The following SHISA9 variants were observed in gnomAD, a reference collection of about 807,000 sequenced individuals.
The protein encoded by SHISA9 is shisa family member 9.
A neutral mutation model predicts 38.0 loss-of-function variants in SHISA9; 13 were observed. The observed-to-expected ratio is 0.34, with a 90% CI of 0.22 to 0.54. SHISA9 has a LOEUF of 0.54. Ranked by LOEUF, SHISA9 falls within the 20% of genes least tolerant of loss-of-function variation. SHISA9 has a pLI of 0.91. For missense variants in SHISA9, 538 were observed against 575.8 expected (o/e 0.93, Z 0.67); for synonymous variants, 275 against 242.0 (o/e 1.14, Z -1.27).
intron 2 of SHISA9, among the ~76,000 whole-genome samples, chr16:13,043,859 C>T (rs2073159457): frequency 6.6e-6 from 1 of 152,216 alleles, no homozygotes; most frequent in Non-Finnish European, 1.5e-5. Flanking sequence ...TGGATCTATT[C>T]GTTGTCCTTC....
chr16:13,004,770 CA>C (rs796387504), intron 2 of SHISA9, among the ~76,000 whole-genome samples: 264 of 140,810 alleles, frequency 1.9e-3, no homozygotes, highest in African/African-American at 3.8e-3. Context: ...ACTAAAAATA[CA>C]AAAAAAAAAA....
chr16:13,179,346 C>A (rs530591239), intron 2 of SHISA9, among the ~76,000 whole-genome samples: 1 of 152,158 alleles, frequency 6.6e-6, no homozygotes, highest in African/African-American at 2.4e-5. Context: ...AAAACAAAAT[C>A]TCTCTGATGT....
the SHISA9 span, among the ~76,000 whole-genome samples, chr16:13,500,315 G>T: frequency 4.0e-5 from 6 of 151,822 alleles, no homozygotes; most frequent in African/African-American, 1.5e-4. Flanking sequence ...CAGGCATATG[G>T]AACTGTAAGT....
chr16:13,138,778 G>C (rs1225786670), intron 2 of SHISA9, among the ~76,000 whole-genome samples: 2 of 152,224 alleles, frequency 1.3e-5, no homozygotes, highest in Admixed American at 1.3e-4. Flanking sequence ...ATTCATGTGA[G>C]CATGTTATGA....
At chr16:13,057,444 G>C (rs11861946) in intron 2 of SHISA9, among the ~76,000 whole-genome samples, 1,598 of 152,192 alleles carry the variant, frequency 0.01, 8 homozygotes, top group South Asian at 0.023. Context: ...GTCCAGGCTG[G>C]AGTGCAATGG....
At chr16:13,403,747 G>A in the SHISA9 span, among the ~76,000 whole-genome samples, 1 of 152,200 alleles carries the variant, frequency 6.6e-6, no homozygotes, top group African/African-American at 2.4e-5. Flanking sequence ...TTCTAATTCA[G>A]GGTCTGAAAT....
the SHISA9 span, among the ~76,000 whole-genome samples, chr16:13,426,349 C>T: frequency 2.6e-5 from 4 of 152,134 alleles, no homozygotes; most frequent in Non-Finnish European, 4.4e-5. Context: ...CCTAGGTACA[C>T]GGAGCCAGAA....
At chr16:13,551,688 A>C in the SHISA9 span, among the ~76,000 whole-genome samples, 2 of 152,168 alleles carry the variant, frequency 1.3e-5, no homozygotes, top group Non-Finnish European at 2.9e-5. Flanking sequence ...AAACATAGAC[A>C]CAAAGGGGCT....
chr16:13,053,572 C>G (rs935116760), intron 2 of SHISA9, among the ~76,000 whole-genome samples: 2 of 152,192 alleles, frequency 1.3e-5, no homozygotes, highest in Non-Finnish European at 2.9e-5. Context: ...AATCTGGACT[C>G]TACCCCATCA....
chr16:13,067,000 C>T (rs1003972111), intron 2 of SHISA9, among the ~76,000 whole-genome samples: 3 of 145,546 alleles, frequency 2.1e-5, no homozygotes, highest in Non-Finnish European at 3.0e-5. Context: ...TCATCAAGAT[C>T]CCCTAGAGCT....
intron 2 of SHISA9, among the ~76,000 whole-genome samples, chr16:13,049,805 C>A (rs2073230003): frequency 6.6e-6 from 1 of 151,988 alleles, no homozygotes; most frequent in Middle Eastern, 3.2e-3. Flanking sequence ...AGATGATTCT[C>A]ACCTCCTGAA....
chr16:12,909,338 C>T (rs2071148909), intron 1 of SHISA9: 2 of 985,386 alleles, frequency 2.0e-6, no homozygotes, highest in African/African-American at 1.7e-5. Context: ...TGCCCATTGC[C>T]CTTGCATTTT....
intron 3 of SHISA9, among the ~76,000 whole-genome samples, chr16:13,212,429 G>A (rs1045131783): frequency 1.9e-4 from 29 of 152,192 alleles, no homozygotes; most frequent in African/African-American, 7.0e-4. Context: ...TTTTATGAAA[G>A]GAGTCATTAT....
the SHISA9 span, among the ~76,000 whole-genome samples, chr16:13,551,981 C>G: frequency 6.6e-6 from 1 of 152,002 alleles, no homozygotes; most frequent in East Asian, 1.9e-4. Flanking sequence ...GAGCTGAGAT[C>G]TCACCACTGC....
chr16:13,165,151 C>T (rs2050625103), intron 2 of SHISA9, among the ~76,000 whole-genome samples: 1 of 152,068 alleles, frequency 6.6e-6, no homozygotes, highest in Non-Finnish European at 1.5e-5. Context: ...GAATTTGTGG[C>T]CATTAATTGT....
At chr16:13,104,059 C>G (rs1004204601) in intron 2 of SHISA9, among the ~76,000 whole-genome samples, 2 of 152,170 alleles carry the variant, frequency 1.3e-5, no homozygotes, top group Non-Finnish European at 2.9e-5. Flanking sequence ...GTGTCTGGTT[C>G]TTGATCCAAC....
chr16:12,912,891 T>C (rs1474376300), intron 1 of SHISA9, among the ~76,000 whole-genome samples: 1 of 152,170 alleles, frequency 6.6e-6, no homozygotes, highest in Non-Finnish European at 1.5e-5. Flanking sequence ...ATCTCAGCTC[T>C]TTTCTGTCTC....
the SHISA9 span, among the ~76,000 whole-genome samples, chr16:13,422,890 C>T: frequency 6.6e-6 from 1 of 152,136 alleles, no homozygotes; most frequent in Non-Finnish European, 1.5e-5. Context: ...TCTTATTGCA[C>T]GTGAGAGCTA....
intron 2 of SHISA9, among the ~76,000 whole-genome samples, chr16:13,076,408 A>AG (rs1567204065): frequency 2.0e-5 from 3 of 152,170 alleles, no homozygotes; most frequent in African/African-American, 7.2e-5. Context: ...TTGAGGCACC[A>AG]GGGTATAAGG....
Sources: gnomAD v4.1 joint callset for allele counts (sites outside exome capture counted in the v4.1 genomes callset) on GRCh38, gnomAD v4.1.1 for gene constraint, MANE v1.5 for transcripts, NCBI Gene and HGNC (gene_info 2026-07-23, HGNC 2026-07-21) for gene names.